The following TMEM223 variants were observed in gnomAD, a reference collection of about 807,000 sequenced individuals.
TMEM223 encodes transmembrane protein 223.
Under a neutral mutation model 14.1 loss-of-function variants are expected in TMEM223, and 14 were observed. That is an observed-to-expected ratio of 0.99 (90% CI 0.66 to 1.55). The LOEUF (loss-of-function observed/expected upper bound fraction) is 1.55. TMEM223 is among the 40% of genes most tolerant of loss of function. The pLI is 0.00. For missense variants in TMEM223, 346 were observed against 269.9 expected, an observed-to-expected ratio of 1.28 and a Z score of -1.97; for synonymous variants, 145 against 120.5, an observed-to-expected ratio of 1.20 and a Z score of -1.33.
chr11:62,787,905 A>G (rs1003370211), downstream of TMEM223: 1 of 523,756 alleles, frequency 1.9e-6, no homozygotes, highest in Non-Finnish European at 3.7e-6. Context: ...AATAAAGCAT[A>G]GTGTAGTGGA....
chr11:62,787,388 G>T, downstream of TMEM223: 1 of 1,555,100 alleles, frequency 6.4e-7, no homozygotes, highest in South Asian at 1.2e-5. Flanking sequence ...GTGGGCTTTG[G>T]GCGGGGTGCT....
downstream of TMEM223, chr11:62,782,956 C>A (rs1590937046): frequency 7.4e-7 from 1 of 1,351,554 alleles, no homozygotes; most frequent in Non-Finnish European, 1.0e-6. Flanking sequence ...GGCCTTAGGC[C>A]AGGCTCAGTG....
chr11:62,781,273 A>G (rs1001428514), intron 1 of TMEM223, among the ~76,000 whole-genome samples: 7 of 152,012 alleles, frequency 4.6e-5, no homozygotes, highest in South Asian at 2.1e-4. Flanking sequence ...TGAAAAGTCT[A>G]TTCCTCCACC....
intron 1 of TMEM223, among the ~76,000 whole-genome samples, chr11:62,780,475 C>T (rs1468617495): frequency 6.6e-6 from 1 of 151,990 alleles, no homozygotes; most frequent in African/African-American, 2.4e-5. Flanking sequence ...TGTGCCATTG[C>T]ACTCCAGCCT....
chr11:62,783,983 TGGCGCC>T (rs2084250003), downstream of TMEM223, among the ~76,000 whole-genome samples: 1 of 141,304 alleles, frequency 7.1e-6, no homozygotes, highest in African/African-American at 2.7e-5. Context: ...CTTGCCAAGA[TGGCGCC>T]ACTACACTCC....
downstream of TMEM223, among the ~76,000 whole-genome samples, chr11:62,784,794 C>T (rs2134723587): frequency 6.6e-6 from 1 of 152,134 alleles, no homozygotes; most frequent in East Asian, 1.9e-4. Context: ...AAGAAAAAAC[C>T]CAAAGCTTTT....
downstream of TMEM223, chr11:62,782,795 C>G (rs779605453): frequency 3.1e-6 from 5 of 1,613,744 alleles, no homozygotes; most frequent in African/African-American, 1.3e-5. Flanking sequence ...ACTATGGAGC[C>G]GTGGTGGGGC....
chr11:62,784,277 C>T (rs1254778769), downstream of TMEM223, among the ~76,000 whole-genome samples: 13 of 140,424 alleles, frequency 9.3e-5, no homozygotes, highest in Non-Finnish European at 2.0e-4. Flanking sequence ...CGTGAGCCAC[C>T]GGTGCCTGGC....
chr11:62,789,433 G>T, downstream of TMEM223: 1 of 1,613,692 alleles, frequency 6.2e-7, no homozygotes, highest in Non-Finnish European at 8.5e-7. Context: ...TTAGGTAATG[G>T]GAGAGGGAGG....
chr11:62,775,745 T>A, intron 1 of TMEM223: 1 of 1,580,728 alleles, frequency 6.3e-7, no homozygotes, highest in South Asian at 1.1e-5. Context: ...TGGGCAGCTT[T>A]TCCAGTCTTC....
chr11:62,784,278 G>A (rs1254595359), downstream of TMEM223, among the ~76,000 whole-genome samples: 39 of 138,732 alleles, frequency 2.8e-4, no homozygotes, highest in African/African-American at 9.9e-4. Context: ...GTGAGCCACC[G>A]GTGCCTGGCC....
At chr11:62,788,676 CA>C (rs5792270), downstream of TMEM223, among the ~76,000 whole-genome samples, 19,294 of 122,276 alleles carry the variant, frequency 0.16, 2,098 homozygotes, top group African/African-American at 0.39. Context: ...TGCACTCCAG[CA>C]AAAAAAAAAA....
intron 1 of TMEM223, chr11:62,775,800 A>G (rs750064680): frequency 1.2e-6 from 2 of 1,610,200 alleles, no homozygotes; most frequent in Admixed American, 3.3e-5. Flanking sequence ...GAGCGAGAAG[A>G]GCGGCGGTTT....
intron 1 of TMEM223, among the ~76,000 whole-genome samples, chr11:62,781,178 G>C (rs1007940391): frequency 6.7e-6 from 1 of 149,042 alleles, no homozygotes; most frequent in Non-Finnish European, 1.5e-5. Flanking sequence ...AGAGGTTGCA[G>C]TGAGCTGAGA....
chr11:62,786,600 C>T (rs757092210), downstream of TMEM223: 3 of 1,583,834 alleles, frequency 1.9e-6, no homozygotes, highest in Admixed American at 1.8e-5. Context: ...GGTGCCGGCG[C>T]CTGGACGACC....
At chr11:62,787,427 G>A (rs1353378805), downstream of TMEM223, 4 of 1,560,982 alleles carry the variant, frequency 2.6e-6, no homozygotes, top group South Asian at 3.4e-5. Flanking sequence ...GGTGGTCAGG[G>A]CGCCATGGCG....
At chr11:62,791,542 C>T in intron 1 of TMEM223, 137 bp downstream of exon 1, 1 of 1,152,790 alleles carries the variant, frequency 8.7e-7, no homozygotes, top group Non-Finnish European at 1.2e-6. Flanking sequence ...CGCGCCCGGC[C>T]AGTGTTTCAC....
chr11:62,772,244 G>A (rs2084154069), intron 2 of TMEM223: 30 of 412,964 alleles, frequency 7.3e-5, no homozygotes, highest in South Asian at 5.2e-4. Flanking sequence ...ATTCGTGGCC[G>A]GGCGCGGTGG....
chr11:62,781,025 C>T (rs922087550), intron 1 of TMEM223, among the ~76,000 whole-genome samples: 2 of 150,716 alleles, frequency 1.3e-5, no homozygotes, highest in African/African-American at 2.4e-5. Context: ...TGCTTGAGGC[C>T]GGGAGTTCGA....
Sources: gnomAD v4.1 joint callset for allele counts (sites outside exome capture counted in the v4.1 genomes callset) on GRCh38, gnomAD v4.1.1 for gene constraint, MANE v1.5 for transcripts, NCBI Gene and HGNC (gene_info 2026-07-23, HGNC 2026-07-21) for gene names.